LDB1: variants seen among roughly 807,000 people sequenced by gnomAD.
LDB1 encodes the protein LIM domain-binding protein 1.
Under a neutral mutation model 49.7 loss-of-function variants are expected in LDB1, and 6 were observed. That is an observed-to-expected ratio of 0.12 (90% CI 0.07 to 0.24). The LOEUF is 0.24. LDB1 is among the 10% of genes least tolerant of loss of function. LDB1 has a pLI of 1.00. For missense variants in LDB1, 341 were observed against 561.7 expected (o/e 0.61, Z 3.97); for synonymous variants, 233 against 202.0 (o/e 1.15, Z -1.30).
At chr10:102,115,139 T>C (rs907351799) in intron 1 of LDB1, among the ~76,000 whole-genome samples, 6 of 151,868 alleles carry the variant, frequency 4.0e-5, no homozygotes, top group Non-Finnish European at 8.8e-5. Context: ...AGACAGAGAC[T>C]GGGAGAGACA....
Position 102,120,267 on chromosome 10 carries a change from G to T in LDB1, c.-157C>A. ...CCCGGTGCGGGCGGCCCCTGGCTGC[G>T]GCGAGGGGCCTGTCAGGCGCGGAGC... On this transcript the variant is annotated 5_prime_UTR_variant, in exon 1 of 11. Coordinates refer to ENST00000673968, the MANE Select transcript of LDB1 (RefSeq NM_001113407.3). The T allele has an allele frequency of 1.0e-6, 1 of 983,574 alleles. No homozygotes were observed. Among genetic ancestry groups the T allele is most frequent in the Non-Finnish European group, 1.2e-6 (1 of 829,444 alleles). The allele number at this position is 983,574 out of a possible 1,614,324, so 60.9% of individuals were successfully genotyped here. A position where few individuals can be genotyped will look rare whatever the true frequency, so the allele number is the denominator to read the frequency against.
Position 102,111,310 on chromosome 10 carries a change from G to A in LDB1, c.129-10C>T. The A allele has an allele frequency of 3.7e-6, 6 of 1,614,012 alleles. No individual in the cohort carries two copies. The South Asian group carries it at 5.5e-5, about 15-fold the overall frequency. On this transcript the variant is annotated splice_polypyrimidine_tract_variant and intron_variant, in intron 2 of 10. Transcript: ENST00000673968. ...ATACATGGGAGTTGGGCTGTGTAAA[G>A]GAAGAGGCTATGAGAATGGGGGTTG...
downstream of LDB1, among the ~76,000 whole-genome samples, chr10:102,106,450 T>C (rs1218183838): frequency 1.4e-5 from 2 of 145,362 alleles, no homozygotes; most frequent in Admixed American, 7.3e-5. Context: ...TGCCTTGGAC[T>C]GAGTCATTAT....
rs1440914759 is a variant in LDB1, at chr10:102,108,150, C to T, written c.1179G>A (p.Lys393=). The change falls in exon 11 of 11, where the codon AAG becomes AAA. Residue 393 remains lysine, a synonymous_variant. Transcript: ENST00000673968. ...ALGANSPWNS[K]PPSSQESKSE... ...ATTTGCTTTCTTGGCTGGACGGAGGCTTGCTGTTCCAGGGGCTGTTGGCGC... is the reference window on the plus strand; with the variant it reads ...ATTTGCTTTCTTGGCTGGACGGAGGTTTGCTGTTCCAGGGGCTGTTGGCGC... The T allele has an allele frequency of 6.2e-7, 1 of 1,614,142 alleles. No individual in the cohort carries two copies. The highest frequency in any genetic ancestry group is 1.7e-5 in the Admixed American group (1 of 60,016).
downstream of LDB1, among the ~76,000 whole-genome samples, chr10:102,104,016 C>G (rs908958735): frequency 6.6e-6 from 1 of 151,606 alleles, no homozygotes; most frequent in South Asian, 2.1e-4. Flanking sequence ...GAGACGACAT[C>G]ATGCCACTAC....
chr10:102,115,214 G>A (rs1046925704), intron 1 of LDB1, among the ~76,000 whole-genome samples: 5 of 151,974 alleles, frequency 3.3e-5, no homozygotes. Flanking sequence ...GGCCAGGAAC[G>A]AAATGCAGCC....
In LDB1 at chr10:102,111,146, T is replaced by C. The variant is rs2133510657; in HGVS notation, c.174-2A>G. ...TGGTTGCCATATGGTGTGTGCCTCC[T>C]GGAGGAAGTGAAGGAGAGAGGTCAG... On this transcript the variant is annotated splice_acceptor_variant, in intron 3 of 10. Transcript: ENST00000673968. LOFTEE classifies it high-confidence loss of function. 6.2e-7 allele frequency: 1 copy of C among 1,614,044 alleles called. No homozygotes were observed. Among genetic ancestry groups the C allele is most frequent in the Non-Finnish European group, 8.5e-7 (1 of 1,179,924 alleles).
rs917413781 is a variant in LDB1 at position 102,107,764 on chromosome 10, G to A, written c.*329C>T. 7 of 389,188 alleles carry A rather than the reference G, an allele frequency of 1.8e-5. No homozygotes were observed. The highest frequency in any genetic ancestry group is 8.2e-5 in the African/African-American group (4 of 49,050). 24.1% of individuals were successfully genotyped at this position (389,188 alleles called of 1,614,324 possible). A position where few individuals can be genotyped will look rare whatever the true frequency, so the allele number is the denominator to read the frequency against. On this transcript the variant is annotated 3_prime_UTR_variant, in exon 11 of 11. Transcript: ENST00000673968. ...CCCAGGCTTGAAAGGGGTAAAGTCA[G>A]GGGGATGGGAAACCCACAATCTGGG...
chr10:102,111,287 A>G lies in LDB1; in HGVS notation c.142T>C (p.Tyr48His). 2 of 1,614,150 alleles carry G rather than the reference A, an allele frequency of 1.2e-6. No homozygotes were observed. The highest frequency in any genetic ancestry group is 1.7e-6 in the Non-Finnish European group (2 of 1,180,002). The change falls in exon 3 of 11, where the codon TAT becomes CAT. Residue 48 changes from tyrosine (Y) to histidine (H), a missense_variant. By Grantham distance (83) the Tyr-to-His change is moderately conservative. Coordinates refer to ENST00000673968, the MANE Select transcript of LDB1 (RefSeq NM_001113407.3). Reference sequence around the variant, plus strand: ...CCTGGCTCCAGGTATGTAGGCGGATACATGGGAGTTGGGCTGTGTAAAGGA... The same window carrying G: ...CCTGGCTCCAGGTATGTAGGCGGATGCATGGGAGTTGGGCTGTGTAAAGGA... ...LDRDVGPTPM[Y>H]PPTYLEPGIG...
upstream of LDB1, chr10:102,120,516 T>C: frequency 8.2e-6 from 3 of 364,862 alleles, no homozygotes; most frequent in Non-Finnish European, 1.1e-5. Flanking sequence ...CCGGGCTTTA[T>C]TAATATGCTA....
At chr10:102,113,128 A>C (rs1020664824) in intron 1 of LDB1, among the ~76,000 whole-genome samples, 2 of 152,112 alleles carry the variant, frequency 1.3e-5, no homozygotes, top group Middle Eastern at 3.4e-3. Flanking sequence ...CTTTGGGGGG[A>C]AGAGACAAAA....
rs558516308 is a variant in LDB1, at chr10:102,106,541, CAAAAAAAAAAAAAAAAAAAAAA to C, written c.*1530_*1551del. On this transcript the variant is annotated 3_prime_UTR_variant, in exon 11 of 11. Coordinates refer to ENST00000673968, the MANE Select transcript of LDB1 (RefSeq NM_001113407.3). ...GGTACCATACATGACTCAAATGGCC[CAAAAAAAAAAAAAAAAAAAAAA>C]AAAAAAAAAAAAAAAAAAAAAGGCA... is the stretch of plus-strand genomic sequence containing the variant. Among the ~76,000 whole-genome samples the C allele has an allele frequency of 5.2e-3, 93 of 17,778 alleles. No homozygotes were observed. The highest frequency in any genetic ancestry group is 0.011 in the African/African-American group (49 of 4,274). 11.7% of individuals were successfully genotyped at this position (17,778 alleles called of 152,430 possible).
In LDB1 at chr10:102,107,431, C is replaced by CA; in HGVS notation, c.*661dup. On this transcript the variant is annotated 3_prime_UTR_variant, in exon 11 of 11. Transcript: ENST00000673968. ...ATGTCTCCTTGGTCTGAAGCTCTCACACCATATAAAATGGTATGCACACCT... is the reference window on the plus strand; with the variant it reads ...ATGTCTCCTTGGTCTGAAGCTCTCACAACCATATAAAATGGTATGCACACCT... 6.6e-6 allele frequency: 1 copy of CA among 152,434 alleles called. No homozygotes were observed. Among genetic ancestry groups the CA allele is most frequent in the East Asian group, 1.9e-4 (1 of 5,196 alleles). 9.4% of individuals were successfully genotyped at this position (152,434 alleles called of 1,614,324 possible).
chr10:102,112,769 C>T (rs953366347), intron 1 of LDB1, among the ~76,000 whole-genome samples: 1 of 152,180 alleles, frequency 6.6e-6, no homozygotes, highest in Non-Finnish European at 1.5e-5. Flanking sequence ...GCCTATGTTC[C>T]TCAGTCTAGG....
chr10:102,111,491 G>A lies in LDB1; in HGVS notation c.71C>T (p.Pro24Leu), dbSNP rs761961476. 2.6e-6 allele frequency: 4 copies of A among 1,556,852 alleles called. No homozygotes were observed. Among genetic ancestry groups the A allele is most frequent in the Non-Finnish European group, 2.6e-6 (3 of 1,151,432 alleles). Residue 24 changes from proline (P) to leucine (L), a missense_variant, in exon 2 of 11, where the codon CCG becomes CTG. Coordinates refer to ENST00000673968, the MANE Select transcript of LDB1 (RefSeq NM_001113407.3). ...SFKLYSPKEP[P>L]NGNAFPPFHP... ...GAAGGGGGGAAAGGCGTTGCCGTTCGGGGGCTCCTTCGGCGAGTACAGCTT... is the reference window on the plus strand; with the variant it reads ...GAAGGGGGGAAAGGCGTTGCCGTTCAGGGGCTCCTTCGGCGAGTACAGCTT...
In LDB1 at chr10:102,111,499, C is replaced by T; in HGVS notation, c.63G>A (p.Lys21=). 5.1e-6 allele frequency: 8 copies of T among 1,554,592 alleles called. No individual in the cohort carries two copies. The highest frequency in any genetic ancestry group is 7.0e-6 in the Non-Finnish European group (8 of 1,150,592). Reference sequence around the variant, plus strand: ...GAAAGGCGTTGCCGTTCGGGGGCTCCTTCGGCGAGTACAGCTTGAATGACT... The same window carrying T: ...GAAAGGCGTTGCCGTTCGGGGGCTCTTTCGGCGAGTACAGCTTGAATGACT... ...SSKSFKLYSP[K]EPPNGNAFPP... Residue 21 remains lysine, a synonymous_variant, in exon 2 of 11, where the codon AAG becomes AAA. Transcript: ENST00000673968.
intron 1 of LDB1, among the ~76,000 whole-genome samples, chr10:102,113,696 ATG>A (rs1238170205): frequency 6.6e-6 from 1 of 150,476 alleles, no homozygotes; most frequent in Admixed American, 6.6e-5. Flanking sequence ...GCCACTTGAA[ATG>A]TGTTAGCTCA....
upstream of LDB1, chr10:102,120,528 T>G: frequency 3.4e-6 from 1 of 291,854 alleles, no homozygotes; most frequent in South Asian, 1.3e-4. Context: ...AATATGCTAA[T>G]TGTCCTGCTA....
chr10:102,109,540 G>A lies in LDB1; in HGVS notation c.733-33C>T. 1.2e-6 allele frequency: 2 copies of A among 1,614,098 alleles called. No homozygotes were observed. The highest frequency in any genetic ancestry group is 1.1e-5 in the South Asian group (1 of 91,070). ...TAGACAAGGAGGTGGCTTGTCAGGG[G>A]ACAGACATGGAGCCGAGACTAAATG... On this transcript the variant is annotated intron_variant, in intron 8 of 10. Transcript: ENST00000673968. This position sits in a 1 kb window ranked among gnomAD's most constrained non-coding sequence, Gnocchi z 5.8.
Sources: allele counts gnomAD v4.1 joint callset (sites outside exome capture counted in the v4.1 genomes callset), GRCh38; gene constraint gnomAD v4.1.1; non-coding constraint Gnocchi (gnomAD v3.1); transcripts MANE v1.5; gene names NCBI Gene and HGNC (gene_info 2026-07-23, HGNC 2026-07-21).